Variants in ARL15 observed in about 807,000 individuals in gnomAD.
ARL15 encodes ADP-ribosylation factor-like protein 15.
A neutral mutation model predicts 25.2 loss-of-function variants in ARL15; 19 were observed. That is an observed-to-expected ratio of 0.75 (90% CI 0.53 to 1.10). The LOEUF (loss-of-function observed/expected upper bound fraction) is 1.10, where lower values mean the gene tolerates loss of function less well. Ranked by LOEUF, ARL15 falls within the 50% of genes least tolerant of loss-of-function variation. The probability of loss-of-function intolerance (pLI) is 0.00; values close to 1 mark genes in which losing one functional copy is unlikely to be tolerated. For synonymous variants in ARL15, 94 were observed against 86.8 expected (o/e 1.08, Z -0.46); for missense variants, 220 against 246.0 (o/e 0.89, Z 0.71).
intron 4 of ARL15, among the ~76,000 whole-genome samples, chr5:54,005,381 T>C (rs1032057386): frequency 3.3e-5 from 5 of 152,158 alleles, no homozygotes; most frequent in Non-Finnish European, 5.9e-5. Context: ...ACTGTATTTA[T>C]AATGGTAGAG....
chr5:53,977,899 A>C (rs1747994863), intron 4 of ARL15, among the ~76,000 whole-genome samples: 1 of 139,312 alleles, frequency 7.2e-6, no homozygotes. Context: ...GTGGAGTTTT[A>C]TAAAGTATTT....
chr5:54,228,193 G>A (rs529049000), intron 1 of ARL15, among the ~76,000 whole-genome samples: 6 of 152,232 alleles, frequency 3.9e-5, no homozygotes, highest in African/African-American at 1.4e-4. Flanking sequence ...CCTAAAAATA[G>A]AGGCAAAGGG....
At chr5:54,099,212 T>C (rs1752368971) in intron 4 of ARL15, among the ~76,000 whole-genome samples, 2 of 152,104 alleles carry the variant, frequency 1.3e-5, no homozygotes, top group African/African-American at 4.8e-5. Context: ...AAAATAACAC[T>C]ACTAATATAA....
At chr5:54,060,649 G>A (rs1401469739) in intron 4 of ARL15, among the ~76,000 whole-genome samples, 1 of 152,186 alleles carries the variant, frequency 6.6e-6, no homozygotes, top group Non-Finnish European at 1.5e-5. Flanking sequence ...TATCAGCAGA[G>A]TGAAAATGGA....
intron 4 of ARL15, among the ~76,000 whole-genome samples, chr5:53,888,092 A>G (rs1306530292): frequency 6.6e-6 from 1 of 152,092 alleles, no homozygotes; most frequent in Non-Finnish European, 1.5e-5. Context: ...ATTTAAAAAA[A>G]AAACCTGTGA....
chr5:54,227,981 C>A (rs868753279), intron 1 of ARL15, among the ~76,000 whole-genome samples: 2 of 152,196 alleles, frequency 1.3e-5, no homozygotes, highest in Non-Finnish European at 2.9e-5. Context: ...TTGGAAAAAA[C>A]CACAACATCT....
chr5:54,093,087 G>A (rs1194712564), intron 4 of ARL15, among the ~76,000 whole-genome samples: 1 of 152,178 alleles, frequency 6.6e-6, no homozygotes, highest in East Asian at 1.9e-4. Context: ...GATGAGTGAT[G>A]AACAAACACA....
At chr5:54,046,783 A>C (rs1750531111) in intron 4 of ARL15, among the ~76,000 whole-genome samples, 1 of 152,204 alleles carries the variant, frequency 6.6e-6, no homozygotes, top group Non-Finnish European at 1.5e-5. Flanking sequence ...AAGGGGAGCC[A>C]CATGGTGGGA....
At chr5:53,907,473 TATATATATATATATA>T (rs1407288933) in intron 4 of ARL15, among the ~76,000 whole-genome samples, 1 of 27,696 alleles carries the variant, frequency 3.6e-5, no homozygotes, top group African/African-American at 1.6e-4. Flanking sequence ...TATATATATA[TATATATATATATATA>T]TTTTTTTTTT....
At chr5:54,096,694 G>A (rs1397053260) in intron 4 of ARL15, among the ~76,000 whole-genome samples, 2 of 152,192 alleles carry the variant, frequency 1.3e-5, no homozygotes, top group Admixed American at 6.5e-5. Context: ...ACAGGTGTGA[G>A]CCACCGTGCC....
chr5:54,072,138 A>G (rs563188564), intron 4 of ARL15, among the ~76,000 whole-genome samples: 1 of 152,274 alleles, frequency 6.6e-6, no homozygotes, highest in African/African-American at 2.4e-5. Context: ...TTGTTTTACT[A>G]TAAGAGGTTT....
chr5:53,946,732 A>T (rs983159731), intron 4 of ARL15, among the ~76,000 whole-genome samples: 5 of 152,186 alleles, frequency 3.3e-5, no homozygotes, highest in African/African-American at 1.2e-4. Context: ...GGGAAAATGG[A>T]TCTAAGCTAG....
At chr5:54,051,598 A>G (rs1750703332) in intron 4 of ARL15, among the ~76,000 whole-genome samples, 1 of 152,224 alleles carries the variant, frequency 6.6e-6, no homozygotes. Context: ...ACATTAGGGA[A>G]TTACAAATTT....
At chr5:53,953,602 C>A (rs1747048024) in intron 4 of ARL15, among the ~76,000 whole-genome samples, 1 of 152,036 alleles carries the variant, frequency 6.6e-6, no homozygotes. Flanking sequence ...AGCAGGAAGA[C>A]CTTTTCATAT....
chr5:54,029,837 C>G (rs1394783862), intron 4 of ARL15, among the ~76,000 whole-genome samples: 1 of 151,994 alleles, frequency 6.6e-6, no homozygotes, highest in Non-Finnish European at 1.5e-5. Context: ...ACTAAAAATA[C>G]AAAAACAAAA....
At chr5:54,142,743 C>A (rs1286195287) in intron 3 of ARL15, among the ~76,000 whole-genome samples, 2 of 152,044 alleles carry the variant, frequency 1.3e-5, no homozygotes, top group African/African-American at 4.8e-5. Context: ...AAGCATCTGA[C>A]AATAAATGAG....
intron 1 of ARL15, among the ~76,000 whole-genome samples, chr5:54,189,609 G>C (rs961326168): frequency 6.6e-6 from 1 of 152,086 alleles, no homozygotes; most frequent in Non-Finnish European, 1.5e-5. Flanking sequence ...GAATAAAGTT[G>C]TACCCTTACC....
chr5:54,232,191 G>A (rs1489178750), intron 1 of ARL15, among the ~76,000 whole-genome samples: 1 of 152,104 alleles, frequency 6.6e-6, no homozygotes, highest in East Asian at 1.9e-4. Flanking sequence ...TTTCCCCTCT[G>A]GGATTAGAGG....
intron 4 of ARL15, chr5:54,067,095 G>A (rs1381065369): frequency 2.0e-5 from 3 of 152,586 alleles, no homozygotes; most frequent in Non-Finnish European, 2.9e-5. Flanking sequence ...ACATCTAACA[G>A]GAAATTGGCA....
Sources: gnomAD v4.1 joint callset for allele counts (sites outside exome capture counted in the v4.1 genomes callset) on GRCh38, gnomAD v4.1.1 for gene constraint, MANE v1.5 for transcripts, NCBI Gene and HGNC (gene_info 2026-07-23, HGNC 2026-07-21) for gene names.